CEP135: variants seen among roughly 807,000 people sequenced by gnomAD.
CEP135 encodes centrosomal protein 135.
CEP135 carries 142 observed loss-of-function variants against 157.3 expected under a neutral mutation model. The ratio of observed to expected loss-of-function variants is 0.90; its 90% CI spans 0.79 to 1.04. The LOEUF (loss-of-function observed/expected upper bound fraction) is 1.04. CEP135 is among the 50% of genes least tolerant of loss of function. The probability of loss-of-function intolerance (pLI) is 0.00; values close to 1 mark genes in which losing one functional copy is unlikely to be tolerated. For synonymous variants in CEP135, 396 were observed against 439.8 expected (o/e 0.90, Z 1.25); for missense variants, 1,317 against 1,309.2 (o/e 1.01, Z -0.09).
At position 55,980,401 on chromosome 4, in the gene CEP135, T is replaced by A. The variant is rs41279543; in HGVS notation, c.1626+106T>A. 0.026 allele frequency: 16,326 copies of A among 626,814 alleles called. 317 individuals are homozygous for A. The highest frequency in any genetic ancestry group is 0.075 in the Admixed American group (2,109 of 28,174). 38.8% of individuals were successfully genotyped at this position (626,814 alleles called of 1,614,324 possible). ...TACTATAATATATGGACCTGTGATA[T>A]TTCTTCATAATTAAAATTATCAGTA... On this transcript the variant is annotated intron_variant, in intron 12 of 25. Transcript: ENST00000257287.
chr4:56,002,959 G>C (rs935597405), intron 17 of CEP135, among the ~76,000 whole-genome samples: 1 of 152,138 alleles, frequency 6.6e-6, no homozygotes, highest in African/African-American at 2.4e-5. Context: ...TTGGTAGCTT[G>C]TAAGTGTCCA....
intron 3 of CEP135, among the ~76,000 whole-genome samples, chr4:55,953,514 G>A (rs370364088): frequency 2.0e-4 from 31 of 151,974 alleles, no homozygotes; most frequent in East Asian, 1.5e-3. Flanking sequence ...AAAAAGAAAA[G>A]AAAAGAAAAT....
At chr4:55,985,524 C>A (rs1729551308) in intron 14 of CEP135, among the ~76,000 whole-genome samples, 166 bp downstream of exon 14, 2 of 151,982 alleles carry the variant, frequency 1.3e-5, no homozygotes, top group Non-Finnish European at 2.9e-5. Context: ...GGCACAATCT[C>A]AGCTCACTGC....
chr4:55,997,444 A>G (rs748978835), intron 15 of CEP135, among the ~76,000 whole-genome samples: 54 of 152,104 alleles, frequency 3.6e-4, no homozygotes, highest in Non-Finnish European at 6.8e-4. Context: ...CAGTCTTTAC[A>G]TTTCTACCTG....
intron 6 of CEP135, 40 bp downstream of exon 6, chr4:55,959,806 G>A (rs1728625349): frequency 7.0e-7 from 1 of 1,419,456 alleles, no homozygotes; most frequent in South Asian, 1.2e-5. Flanking sequence ...GATTGAGATA[G>A]GTATGCTGTG....
intron 15 of CEP135, among the ~76,000 whole-genome samples, chr4:55,993,180 A>G (rs564890925): frequency 6.6e-6 from 1 of 152,352 alleles, no homozygotes; most frequent in East Asian, 1.9e-4. Context: ...AGAAAAAACA[A>G]ACTGATGAAA....
At chr4:56,013,274 T>C (rs907271905) in intron 21 of CEP135, among the ~76,000 whole-genome samples, 1 of 152,216 alleles carries the variant, frequency 6.6e-6, no homozygotes, top group African/African-American at 2.4e-5. Context: ...CTTTACATAT[T>C]CTGGAGATTA....
intron 13 of CEP135, among the ~76,000 whole-genome samples, chr4:55,981,698 CTTTG>C (rs763872011): frequency 2.6e-5 from 4 of 152,170 alleles, no homozygotes; most frequent in Non-Finnish European, 5.9e-5. Flanking sequence ...AAGACAGTAT[CTTTG>C]TTTGTTTGTT....
chr4:55,957,111 ATG>A (rs1728532177), intron 4 of CEP135, 110 bp from the exon 5 acceptor site: 1 of 1,052,878 alleles, frequency 9.5e-7, no homozygotes, highest in Non-Finnish European at 1.4e-6. Flanking sequence ...TTTTGTCAAT[ATG>A]TATTATGAAC....
Position 55,965,910 on chromosome 4 carries a change from A to AT in CEP135, c.1044+51_1044+52insT, listed in dbSNP as rs1306623188. ...GAGAGTGTTCATTAATTCTCCTAGC[A>AT]CACGGTAAGCTTGATCCCTTTTGAT... On this transcript the variant is annotated intron_variant, in intron 8 of 25. Coordinates refer to ENST00000257287, the MANE Select transcript of CEP135 (RefSeq NM_025009.5). The AT allele has an allele frequency of 2.1e-6, 3 of 1,441,028 alleles. No homozygotes were observed. The East Asian group carries it at 7.1e-5, about 34-fold the overall frequency. The allele number at this position is 1,441,028 out of a possible 1,614,324, so 89.3% of individuals were successfully genotyped here. A position where few individuals can be genotyped will look rare whatever the true frequency, so the allele number is the denominator to read the frequency against.
chr4:55,989,723 C>T (rs985989198), intron 14 of CEP135, among the ~76,000 whole-genome samples: 1 of 152,032 alleles, frequency 6.6e-6, no homozygotes, highest in Admixed American at 6.6e-5. Context: ...TATTCTACCT[C>T]AATAATGGGG....
intron 11 of CEP135, among the ~76,000 whole-genome samples, chr4:55,975,391 C>T (rs1282335584): frequency 1.3e-5 from 2 of 152,210 alleles, no homozygotes; most frequent in Non-Finnish European, 2.9e-5. Context: ...GTGTCACATT[C>T]TACTGACCAA....
At chr4:56,000,568 G>A (rs1036259373) in intron 17 of CEP135, among the ~76,000 whole-genome samples, 6 of 152,044 alleles carry the variant, frequency 3.9e-5, no homozygotes, top group South Asian at 4.1e-4. Context: ...TAGCACCCAC[G>A]TATGGGTGAG....
chr4:55,987,080 C>T (rs1482131494), intron 14 of CEP135, among the ~76,000 whole-genome samples: 1 of 152,114 alleles, frequency 6.6e-6, no homozygotes, highest in Admixed American at 6.6e-5. Context: ...TCAGTCTTGC[C>T]GTTAAGCTTT....
chr4:55,989,996 T>A (rs747221169), intron 14 of CEP135, among the ~76,000 whole-genome samples: 1 of 152,226 alleles, frequency 6.6e-6, no homozygotes, highest in Non-Finnish European at 1.5e-5. Flanking sequence ...ATGGTTTTGC[T>A]CATTTATTTA....
intron 6 of CEP135, 24 bp from the exon 7 acceptor site, chr4:55,964,250 A>G (rs1483521483): frequency 6.3e-7 from 1 of 1,577,068 alleles, no homozygotes; most frequent in African/African-American, 1.4e-5. Context: ...ATTTTTTAAA[A>G]TGACAGCATG....
At chr4:55,959,567 C>T in intron 5 of CEP135, 115 bp from the exon 6 acceptor site, 1 of 842,298 alleles carries the variant, frequency 1.2e-6, no homozygotes, top group Non-Finnish European at 2.0e-6. Flanking sequence ...ACAGTACGTC[C>T]TACCTGTTTG....
At chr4:55,996,811 A>G (rs531886501) in intron 15 of CEP135, among the ~76,000 whole-genome samples, 11 of 151,928 alleles carry the variant, frequency 7.2e-5, no homozygotes, top group African/African-American at 1.7e-4. Flanking sequence ...AACACTTCGT[A>G]TGAACAGAGG....
rs1044112464 is a variant in CEP135 at position 56,032,838 on chromosome 4, A to G, written c.*1490A>G. ...ATATTTTGTTTCCTCTTGTGGTTTAATAAAGTGAAGTGTGTGTGTGTGTGT... is the reference window on the plus strand; with the variant it reads ...ATATTTTGTTTCCTCTTGTGGTTTAGTAAAGTGAAGTGTGTGTGTGTGTGT... On this transcript the variant is annotated 3_prime_UTR_variant, in exon 26 of 26. Transcript: ENST00000257287. 35 of 136,010 alleles carry G rather than the reference A, an allele frequency of 2.6e-4. No homozygotes were observed. The highest frequency in any genetic ancestry group is 9.5e-4 in the African/African-American group (34 of 35,644). 8.4% of individuals were successfully genotyped at this position (136,010 alleles called of 1,614,324 possible).
Sources: allele counts gnomAD v4.1 joint callset (sites outside exome capture counted in the v4.1 genomes callset), GRCh38; gene constraint gnomAD v4.1.1; transcripts MANE v1.5; gene names NCBI Gene and HGNC (gene_info 2026-07-23, HGNC 2026-07-21).